The following MICU3 variants were observed in gnomAD, a reference collection of about 807,000 sequenced individuals.
MICU3 encodes the protein calcium uptake protein 3, mitochondrial.
A neutral mutation model predicts 66.5 loss-of-function variants in MICU3; 62 were observed. The observed-to-expected ratio is 0.93, with a 90% CI of 0.76 to 1.15. The LOEUF (loss-of-function observed/expected upper bound fraction) is 1.15. Among genes scored for constraint, MICU3 ranks in the 50% most tolerant of loss-of-function variants. The pLI is 0.00. For synonymous variants in MICU3, 308 were observed against 240.7 expected (o/e 1.28, Z -2.59); for missense variants, 779 against 664.4 (o/e 1.17, Z -1.90).
chr8:17,087,079 C>G (rs1466725197), intron 7 of MICU3, 44 bp downstream of exon 7: 2 of 1,202,178 alleles, frequency 1.7e-6, no homozygotes, highest in Admixed American at 2.0e-5. Flanking sequence ...TTGTAGGCAA[C>G]AATTATTTTA....
chr8:17,054,730 C>CTT (rs1816634514), intron 1 of MICU3, among the ~76,000 whole-genome samples: 3 of 136,142 alleles, frequency 2.2e-5, no homozygotes, highest in East Asian at 4.9e-4. Context: ...TTTTCTTTTT[C>CTT]TTTCTTTCTT....
intron 1 of MICU3, among the ~76,000 whole-genome samples, chr8:17,033,644 T>C (rs1348009866): frequency 6.6e-6 from 1 of 152,110 alleles, no homozygotes; most frequent in African/African-American, 2.4e-5. Flanking sequence ...TCACTGTGTT[T>C]GCCAGGATGG....
At chr8:17,058,877 G>A (rs1817392209) in intron 1 of MICU3, among the ~76,000 whole-genome samples, 1 of 152,192 alleles carries the variant, frequency 6.6e-6, no homozygotes, top group Non-Finnish European at 1.5e-5. Context: ...AGAGAAATAA[G>A]CATATGGATT....
intron 11 of MICU3, among the ~76,000 whole-genome samples, chr8:17,112,458 T>C (rs1199054199): frequency 6.6e-6 from 1 of 152,204 alleles, no homozygotes; most frequent in Non-Finnish European, 1.5e-5. Flanking sequence ...TCTCTGACTG[T>C]CTGTCCCTCT....
chr8:17,041,104 G>A (rs1813991506), intron 1 of MICU3, among the ~76,000 whole-genome samples: 1 of 152,160 alleles, frequency 6.6e-6, no homozygotes, highest in South Asian at 2.1e-4. Flanking sequence ...AATAGATTTG[G>A]GAATCATCAC....
chr8:17,108,595 A>G lies in MICU3; in HGVS notation c.1257+3011A>G, dbSNP rs1231556497. ...TACAATCAGTCTATCAAGAAATCCT[A>G]TTGATACTACCTGTATAAGAATTTA... On this transcript the variant is annotated intron_variant, in intron 11 of 14. Coordinates refer to ENST00000318063, the MANE Select transcript of MICU3 (RefSeq NM_181723.3). Among the ~76,000 whole-genome samples the G allele has an allele frequency of 3.3e-5, 5 of 152,096 alleles. 1 individual carries two copies.
At chr8:17,070,820 G>C (rs1432824515) in intron 3 of MICU3, among the ~76,000 whole-genome samples, 1 of 151,952 alleles carries the variant, frequency 6.6e-6, no homozygotes. Context: ...AAGACCCCTG[G>C]TAATGAATGC....
chr8:17,104,617 A>G (rs1271989045), intron 10 of MICU3, 126 bp downstream of exon 10: 2 of 428,510 alleles, frequency 4.7e-6, no homozygotes, highest in African/African-American at 2.0e-5. Context: ...GATCCTCTGT[A>G]TAATAAATAC....
the MICU3 span, among the ~76,000 whole-genome samples, chr8:17,137,351 C>A: frequency 8.6e-5 from 13 of 151,810 alleles, no homozygotes; most frequent in African/African-American, 3.1e-4. Flanking sequence ...TTTTTTTTCT[C>A]CCAGTGGCTG....
chr8:17,076,852 A>C (rs1342765525), intron 3 of MICU3, among the ~76,000 whole-genome samples: 1 of 152,214 alleles, frequency 6.6e-6, no homozygotes, highest in Non-Finnish European at 1.5e-5. Context: ...GGGGAGCCAC[A>C]TGCTCTGAGG....
chr8:17,138,592 G>A, the MICU3 span, among the ~76,000 whole-genome samples: 1 of 152,108 alleles, frequency 6.6e-6, no homozygotes, highest in Non-Finnish European at 1.5e-5. Context: ...ACGCACCATC[G>A]TCTTCAGACA....
intron 8 of MICU3, among the ~76,000 whole-genome samples, chr8:17,096,337 A>G (rs1563371901): frequency 6.6e-6 from 1 of 151,862 alleles, no homozygotes; most frequent in Non-Finnish European, 1.5e-5. Flanking sequence ...TTTCATTGCT[A>G]CTTTAAGCTT....
the MICU3 span, chr8:17,134,170 A>T: frequency 1.3e-5 from 2 of 152,230 alleles, no homozygotes; most frequent in African/African-American, 4.8e-5. Flanking sequence ...GGATGTACAT[A>T]AAGAGATTTA....
At chr8:17,123,645 C>T (rs1350668024), downstream of MICU3, among the ~76,000 whole-genome samples, 2 of 152,016 alleles carry the variant, frequency 1.3e-5, no homozygotes, top group East Asian at 3.9e-4. Context: ...AGAGAAATAT[C>T]TCACAGTTTT....
rs549856746 is a variant in MICU3 at position 17,078,066 on chromosome 8, T to A, written c.646+205T>A. On this transcript the variant is annotated intron_variant, in intron 4 of 14. Coordinates refer to ENST00000318063, the MANE Select transcript of MICU3 (RefSeq NM_181723.3). ...TAATTCCACCCTTCATTAAGGGTGG[T>A]TTTCATGTTATTGTTTATATATTAT... Among the ~76,000 whole-genome samples, 149 of 152,040 alleles carry A rather than the reference T, an allele frequency of 9.8e-4. 1 individual carries two copies. The highest frequency in any genetic ancestry group is 3.5e-3 in the African/African-American group (146 of 41,530).
Position 17,027,612 on chromosome 8 carries a change from C to G in MICU3, c.333C>G (p.Pro111=). The G allele has an allele frequency of 1.5e-6, 2 of 1,310,872 alleles. No homozygotes were observed. The highest frequency in any genetic ancestry group is 1.9e-6 in the Non-Finnish European group (2 of 1,034,366). The allele number at this position is 1,310,872 out of a possible 1,614,324, so 81.2% of individuals were successfully genotyped here. The change falls in exon 1 of 15, where the codon CCC becomes CCG. Residue 111 remains proline, a synonymous_variant. Coordinates refer to ENST00000318063, the MANE Select transcript of MICU3 (RefSeq NM_181723.3). The part of the protein sequence containing the change: ...KSAATEPEDP[P]RGRGMLPIPV... ...CGGCCACGGAGCCCGAGGACCCGCCCCGCGGCCGGGGGATGCTGCCCATCC... is the reference window on the plus strand; with the variant it reads ...CGGCCACGGAGCCCGAGGACCCGCCGCGCGGCCGGGGGATGCTGCCCATCC...
rs113419368 is a variant in MICU3 at position 17,086,401 on chromosome 8, G to A, written c.778-563G>A. On this transcript the variant is annotated intron_variant, in intron 6 of 14. Coordinates refer to ENST00000318063, the MANE Select transcript of MICU3 (RefSeq NM_181723.3). ...GTAGGCTTAAACTCTCACCCACGCA[G>A]CCCTTGCCCACGTGTAGTCCCTGAG... is the stretch of plus-strand genomic sequence containing the variant. 8.9e-3 allele frequency among the ~76,000 whole-genome samples: 1,359 copies of A among 152,206 alleles called. 17 individuals are homozygous for A. Among genetic ancestry groups the A allele is most frequent in the African/African-American group, 0.031 (1,274 of 41,540 alleles).
At chr8:17,091,681 T>C (rs1800073937) in intron 8 of MICU3, among the ~76,000 whole-genome samples, 1 of 152,116 alleles carries the variant, frequency 6.6e-6, no homozygotes, top group Non-Finnish European at 1.5e-5. Flanking sequence ...TTGTTTTGTT[T>C]ACTTACAAGA....
intron 1 of MICU3, among the ~76,000 whole-genome samples, chr8:17,055,664 C>T (rs776307168): frequency 2.6e-5 from 4 of 152,172 alleles, no homozygotes; most frequent in Admixed American, 6.5e-5. Flanking sequence ...CCTCTCCCTT[C>T]GTTGATAATG....
Sources: gnomAD v4.1 joint callset for allele counts (sites outside exome capture counted in the v4.1 genomes callset) on GRCh38, gnomAD v4.1.1 for gene constraint, MANE v1.5 for transcripts, NCBI Gene and HGNC (gene_info 2026-07-23, HGNC 2026-07-21) for gene names.